CEP63: variants seen among roughly 807,000 people sequenced by gnomAD.
CEP63 encodes the protein centrosomal protein 63.
CEP63 carries 84 observed loss-of-function variants against 89.1 expected under a neutral mutation model. The ratio of observed to expected loss-of-function variants is 0.94; its 90% confidence interval spans 0.79 to 1.13. The LOEUF is 1.13. CEP63 is among the 50% of genes most tolerant of loss of function. The probability of loss-of-function intolerance (pLI) is 0.00; values close to 1 mark genes in which losing one functional copy is unlikely to be tolerated. For synonymous variants in CEP63, 267 were observed against 272.5 expected (o/e 0.98, Z 0.20); for missense variants, 838 against 813.3 (o/e 1.03, Z -0.37).
At chr3:134,750,653 A>G in the CEP63 span, among the ~76,000 whole-genome samples, 1 of 152,110 alleles carries the variant, frequency 6.6e-6, no homozygotes, top group Non-Finnish European at 1.5e-5. Flanking sequence ...TCATCTGTGC[A>G]TGGGTCTGGG....
At chr3:134,621,422 G>A in the CEP63 span, among the ~76,000 whole-genome samples, 4 of 152,266 alleles carry the variant, frequency 2.6e-5, no homozygotes, top group African/African-American at 7.2e-5. Flanking sequence ...ACATATCTAC[G>A]GTTAGTGGAT....
At chr3:134,507,321 T>G in intron 3 of CEP63, 35 bp downstream of exon 3, 1 of 1,472,670 alleles carries the variant, frequency 6.8e-7, no homozygotes. Flanking sequence ...TTTTGACATT[T>G]TTATCTTGTC....
At chr3:134,555,240 C>T (rs917975167) in intron 12 of CEP63, among the ~76,000 whole-genome samples, 7 of 152,222 alleles carry the variant, frequency 4.6e-5, no homozygotes, top group Non-Finnish European at 7.4e-5. Flanking sequence ...TCTCATCACT[C>T]CTATTCAACA....
chr3:134,687,415 A>C, the CEP63 span, among the ~76,000 whole-genome samples: 1 of 152,244 alleles, frequency 6.6e-6, no homozygotes, highest in Non-Finnish European at 1.5e-5. Flanking sequence ...ATGAACGTGC[A>C]GCTTATTGCC....
At position 134,558,213 on chromosome 3, in the gene CEP63, TCAA is replaced by T; in HGVS notation, c.1544_1546del (p.Gln515del). 1 of 1,613,652 alleles carries T rather than the reference TCAA, an allele frequency of 6.2e-7. No individual in the cohort carries two copies. The highest frequency in any genetic ancestry group is 1.1e-5 in the South Asian group (1 of 91,072). On this transcript the variant is annotated inframe_deletion, in exon 13 of 15. Transcript: ENST00000675561. ...CATTAAATAAATTAGTGTCTGAAAATCAACAACTACAGAAAGATTTGATGAATA... is the reference window on the plus strand; with the variant it reads ...CATTAAATAAATTAGTGTCTGAAAATCAACTACAGAAAGATTTGATGAATA...
the CEP63 span, among the ~76,000 whole-genome samples, chr3:134,722,417 G>A: frequency 2.6e-5 from 4 of 151,648 alleles, no homozygotes; most frequent in Non-Finnish European, 5.9e-5. Flanking sequence ...TTTCATTCCC[G>A]ATTTAATAAC....
chr3:134,503,207 G>A (rs1329460422), intron 2 of CEP63, among the ~76,000 whole-genome samples: 1 of 145,430 alleles, frequency 6.9e-6, no homozygotes, highest in Non-Finnish European at 1.5e-5. Context: ...GTTTTGGTAT[G>A]TTGTATTTTC....
chr3:134,746,160 A>G, the CEP63 span, among the ~76,000 whole-genome samples: 1 of 151,750 alleles, frequency 6.6e-6, no homozygotes, highest in Admixed American at 6.6e-5. Flanking sequence ...ATGAGTGAGA[A>G]CATGTGGTGT....
At chr3:134,621,195 CT>C in the CEP63 span, among the ~76,000 whole-genome samples, 1 of 152,164 alleles carries the variant, frequency 6.6e-6, no homozygotes, top group South Asian at 2.1e-4. Flanking sequence ...ATTCCAATAG[CT>C]TTTTGTGCTG....
chr3:134,563,402 C>T lies in CEP63; in HGVS notation c.*1867C>T, dbSNP rs1331642232. 6.6e-6 allele frequency: 1 copy of T among 152,110 alleles called. No individual in the cohort carries two copies. 9.4% of individuals were successfully genotyped at this position (152,110 alleles called of 1,614,324 possible). On this transcript the variant is annotated 3_prime_UTR_variant, in exon 15 of 15. Coordinates refer to ENST00000675561, the MANE Select transcript of CEP63 (RefSeq NM_001353108.3). ...AATGAAACAGTGTCACCACTGCTTC[C>T]CTTCAGACTCTTCCAAGGCTTCTCT...
At chr3:134,511,229 T>C in intron 3 of CEP63, 1 of 166,984 alleles carries the variant, frequency 6.0e-6, no homozygotes, top group Non-Finnish European at 1.3e-5. Flanking sequence ...AACTCTGCCT[T>C]CCTCTTTGGG....
At chr3:134,643,346 G>T in the CEP63 span, 3 of 1,613,942 alleles carry the variant, frequency 1.9e-6, no homozygotes, top group Non-Finnish European at 2.5e-6. Flanking sequence ...ATGACCTGGG[G>T]CTGCTGAGGG....
At chr3:134,673,166 A>T in the CEP63 span, among the ~76,000 whole-genome samples, 1 of 152,110 alleles carries the variant, frequency 6.6e-6, no homozygotes, top group Non-Finnish European at 1.5e-5. Context: ...AAAGACTGTA[A>T]TCATTAAGGA....
At chr3:134,685,633 T>C in the CEP63 span, among the ~76,000 whole-genome samples, 9 of 152,220 alleles carry the variant, frequency 5.9e-5, no homozygotes, top group African/African-American at 2.2e-4. Context: ...GCCACCCTTT[T>C]CTTAGCTGGT....
At chr3:134,495,501 G>A in intron 2 of CEP63, 137 bp downstream of exon 2, 2 of 628,280 alleles carry the variant, frequency 3.2e-6, no homozygotes, top group South Asian at 3.6e-5. Flanking sequence ...ATCAGCTCAA[G>A]CATTTATCAT....
the CEP63 span, among the ~76,000 whole-genome samples, chr3:134,597,634 T>A: frequency 1.3e-5 from 2 of 152,202 alleles, no homozygotes; most frequent in South Asian, 2.1e-4. Flanking sequence ...CTGAGCATGA[T>A]GGTTTCTCTA....
intron 11 of CEP63, among the ~76,000 whole-genome samples, chr3:134,551,528 A>G (rs952480112): frequency 3.9e-5 from 6 of 152,110 alleles, no homozygotes; most frequent in Non-Finnish European, 7.4e-5. Context: ...TTGTGAATAA[A>G]GTACAATTCC....
At chr3:134,736,389 G>A in the CEP63 span, among the ~76,000 whole-genome samples, 131 of 152,028 alleles carry the variant, frequency 8.6e-4, no homozygotes, top group Non-Finnish European at 1.6e-3. Flanking sequence ...TAATTGTAAA[G>A]GAAGAAAAGA....
the CEP63 span, among the ~76,000 whole-genome samples, chr3:134,775,315 C>T: frequency 3.3e-5 from 5 of 152,128 alleles, 1 homozygote; most frequent in East Asian, 3.9e-4. Flanking sequence ...GCTGGAGCCT[C>T]GCTTCAGCCC....
Sources: allele counts gnomAD v4.1 joint callset (sites outside exome capture counted in the v4.1 genomes callset), GRCh38; gene constraint gnomAD v4.1.1; transcripts MANE v1.5; gene names NCBI Gene and HGNC (gene_info 2026-07-23, HGNC 2026-07-21).